The following CNTNAP2 variants were observed in gnomAD, a reference collection of about 807,000 sequenced individuals.
The protein encoded by CNTNAP2 is contactin associated protein 2, also known as contactin-associated protein-like 2.
In CNTNAP2, 98 loss-of-function variants were observed where a neutral mutation model predicts 155.2. That is an observed-to-expected ratio of 0.63 (90% CI 0.54 to 0.75). The LOEUF (loss-of-function observed/expected upper bound fraction) is 0.75, where lower values mean the gene tolerates loss of function less well. Ranked by LOEUF, CNTNAP2 falls within the 30% of genes least tolerant of loss-of-function variation. The pLI is 0.00. For missense variants in CNTNAP2, 1,727 were observed against 1,688.1 expected (o/e 1.02, Z -0.40); for synonymous variants, 651 against 631.2 (o/e 1.03, Z -0.47).
chr7:148,145,458 T>C (rs192746883), intron 16 of CNTNAP2, among the ~76,000 whole-genome samples: 77 of 152,274 alleles, frequency 5.1e-4, no homozygotes, highest in Non-Finnish European at 9.7e-4. Context: ...ACAGAGGAAA[T>C]TAGAACAGCA....
intron 12 of CNTNAP2, among the ~76,000 whole-genome samples, chr7:147,637,525 T>TTG (rs1795200785): frequency 6.6e-6 from 1 of 152,144 alleles, no homozygotes; most frequent in Non-Finnish European, 1.5e-5. Flanking sequence ...ACGCTCTCTC[T>TTG]TGCGCTCTGT....
At chr7:147,592,337 T>A (rs1220069952) in intron 12 of CNTNAP2, among the ~76,000 whole-genome samples, 1 of 152,154 alleles carries the variant, frequency 6.6e-6, no homozygotes, top group East Asian at 1.9e-4. Context: ...TCAATTTTAC[T>A]AAACAAAATG....
intron 3 of CNTNAP2, among the ~76,000 whole-genome samples, chr7:146,913,611 T>C (rs1256158826): frequency 6.6e-6 from 1 of 152,070 alleles, no homozygotes; most frequent in African/African-American, 2.4e-5. Context: ...GGCACAGAGC[T>C]CAAAGAAGCA....
intron 4 of CNTNAP2, among the ~76,000 whole-genome samples, chr7:147,062,942 C>T (rs187436417): frequency 1.3e-5 from 2 of 152,268 alleles, no homozygotes; most frequent in Admixed American, 6.5e-5. Context: ...ATAATTGATA[C>T]TACTCAGAAA....
chr7:146,798,050 G>T (rs929944181), intron 2 of CNTNAP2, among the ~76,000 whole-genome samples: 5 of 152,100 alleles, frequency 3.3e-5, no homozygotes, highest in Admixed American at 2.0e-4. Flanking sequence ...GAGGTGGGAG[G>T]ATCACTTGAG....
chr7:146,193,365 C>T (rs1413425561), intron 1 of CNTNAP2, among the ~76,000 whole-genome samples: 1 of 152,222 alleles, frequency 6.6e-6, no homozygotes, highest in African/African-American at 2.4e-5. Flanking sequence ...CAGCAAACTT[C>T]CACCTGGACA....
chr7:147,262,470 T>C (rs1365510877), intron 8 of CNTNAP2, among the ~76,000 whole-genome samples: 1 of 151,862 alleles, frequency 6.6e-6, no homozygotes. Context: ...TAAGAGGAGA[T>C]TAGGACACAG....
chr7:146,871,151 G>A (rs7792093), intron 3 of CNTNAP2, among the ~76,000 whole-genome samples: 8,473 of 152,190 alleles, frequency 0.056, 307 homozygotes, highest in African/African-American at 0.099. Context: ...GACGAATTAG[G>A]CAACTTATGC....
At chr7:146,631,252 A>T (rs968203948) in intron 1 of CNTNAP2, among the ~76,000 whole-genome samples, 5 of 152,094 alleles carry the variant, frequency 3.3e-5, no homozygotes, top group Non-Finnish European at 7.4e-5. Flanking sequence ...TAAAATATGA[A>T]TTTTTCGACT....
At chr7:146,730,231 A>T in intron 1 of CNTNAP2, among the ~76,000 whole-genome samples, 1 of 152,202 alleles carries the variant, frequency 6.6e-6, no homozygotes, top group East Asian at 1.9e-4. Context: ...CTTGGTGACG[A>T]ACTCAGTTTG....
chr7:146,164,768 G>A (rs577226778), intron 1 of CNTNAP2, among the ~76,000 whole-genome samples: 23 of 152,152 alleles, frequency 1.5e-4, no homozygotes, highest in African/African-American at 5.5e-4. Context: ...TACAAAATGC[G>A]TCATACATTT....
At chr7:146,822,070 C>T (rs922648858) in intron 2 of CNTNAP2, among the ~76,000 whole-genome samples, 1 of 152,110 alleles carries the variant, frequency 6.6e-6, no homozygotes, top group Non-Finnish European at 1.5e-5. Context: ...TTGGAACCAA[C>T]CCAAATGTCC....
chr7:147,660,533 G>C (rs1402826823), intron 13 of CNTNAP2, among the ~76,000 whole-genome samples: 2 of 152,162 alleles, frequency 1.3e-5, no homozygotes, highest in African/African-American at 2.4e-5. Context: ...CTAAATTTTA[G>C]TATAAAAACA....
rs1297881005 is a variant in CNTNAP2 at position 147,787,187 on chromosome 7, T to C, written c.2099-116378T>C. ...TCAGTATTACACCATGAAAATGGGATTGCAAAGCATGTAAACATCAGCACT... is the reference window on the plus strand; with the variant it reads ...TCAGTATTACACCATGAAAATGGGACTGCAAAGCATGTAAACATCAGCACT... On this transcript the variant is annotated intron_variant, in intron 13 of 23. Coordinates refer to ENST00000361727, the MANE Select transcript of CNTNAP2 (RefSeq NM_014141.6). Among the ~76,000 whole-genome samples the C allele has an allele frequency of 3.3e-5, 5 of 152,184 alleles. No individual in the cohort carries two copies. In the East Asian group the frequency reaches 9.6e-4, roughly 29 times the overall value.
chr7:146,302,972 G>A (rs1800637660), intron 1 of CNTNAP2, among the ~76,000 whole-genome samples: 1 of 152,058 alleles, frequency 6.6e-6, no homozygotes, highest in Admixed American at 6.6e-5. Context: ...CTTTTGGCTG[G>A]TAGAAACAGG....
chr7:147,349,725 T>C (rs996570188), intron 9 of CNTNAP2, among the ~76,000 whole-genome samples: 20 of 152,076 alleles, frequency 1.3e-4, no homozygotes, highest in African/African-American at 4.8e-4. Flanking sequence ...CTGATGGTTT[T>C]AAAACTATCT....
rs544266223 is a variant in CNTNAP2 at position 147,416,967 on chromosome 7, T to C, written c.1670+21187T>C. 3.0e-3 allele frequency among the ~76,000 whole-genome samples: 453 copies of C among 151,718 alleles called. 1 individual carries two copies. The highest frequency in any genetic ancestry group is 9.9e-3 in the African/African-American group (409 of 41,338). On this transcript the variant is annotated intron_variant, in intron 10 of 23. Coordinates refer to ENST00000361727, the MANE Select transcript of CNTNAP2 (RefSeq NM_014141.6). ...AGCCTGGCATAGTGGTGTGCACCTA[T>C]AATCCCAGCTACTCAGGAGGCTGAG...
At chr7:148,247,917 G>C (rs1198646207) in intron 20 of CNTNAP2, among the ~76,000 whole-genome samples, 2 of 151,872 alleles carry the variant, frequency 1.3e-5, no homozygotes, top group East Asian at 3.9e-4. Flanking sequence ...GCCTCCCAAA[G>C]TGCTGGGATT....
chr7:146,856,244 G>C (rs1034363030), intron 3 of CNTNAP2, among the ~76,000 whole-genome samples: 2 of 151,118 alleles, frequency 1.3e-5, no homozygotes, highest in Non-Finnish European at 3.0e-5. Flanking sequence ...TAGACAGACA[G>C]ATAGATAGAT....
Sources: gnomAD v4.1 joint callset for allele counts (sites outside exome capture counted in the v4.1 genomes callset) on GRCh38, gnomAD v4.1.1 for gene constraint, MANE v1.5 for transcripts, NCBI Gene and HGNC (gene_info 2026-07-23, HGNC 2026-07-21) for gene names.